Variants in COMMD1 observed in about 807,000 individuals in gnomAD.
The protein encoded by COMMD1 is COMM domain-containing protein 1.
COMMD1 carries 10 observed loss-of-function variants against 17.2 expected under a neutral mutation model. The ratio of observed to expected loss-of-function variants is 0.58; its 90% CI spans 0.36 to 0.99. COMMD1 has a LOEUF of 0.99. Ranked by LOEUF, COMMD1 falls within the 50% of genes least tolerant of loss-of-function variation. The pLI, the probability that COMMD1 is intolerant of heterozygous loss-of-function variation, is 0.01. For missense variants in COMMD1, 270 were observed against 231.8 expected (o/e 1.17, Z -1.07); for synonymous variants, 97 against 91.6 (o/e 1.06, Z -0.34).
intron 2 of COMMD1, among the ~76,000 whole-genome samples, chr2:62,074,660 A>G (rs570089831): frequency 1.3e-5 from 2 of 152,220 alleles, no homozygotes; most frequent in South Asian, 4.1e-4. Flanking sequence ...TATCTTGTCT[A>G]TTATCATTTT....
chr2:62,007,597 T>A (rs2103821580), intron 2 of COMMD1, among the ~76,000 whole-genome samples: 1 of 152,342 alleles, frequency 6.6e-6, no homozygotes, highest in East Asian at 1.9e-4. Context: ...GTTACACAAA[T>A]ATAATACTTA....
intron 1 of COMMD1, among the ~76,000 whole-genome samples, chr2:61,948,028 T>C (rs1179247485): frequency 6.6e-6 from 1 of 152,080 alleles, no homozygotes; most frequent in African/African-American, 2.4e-5. Flanking sequence ...ACAAATAAAA[T>C]ATCAATAAAG....
chr2:61,992,656 T>A (rs578058067), intron 1 of COMMD1, among the ~76,000 whole-genome samples: 10 of 152,286 alleles, frequency 6.6e-5, no homozygotes, highest in Admixed American at 3.3e-4. Flanking sequence ...ATGCCGAACA[T>A]CCCTAGCTCA....
At chr2:62,087,842 T>G (rs1671711747) in intron 2 of COMMD1, among the ~76,000 whole-genome samples, 1 of 152,246 alleles carries the variant, frequency 6.6e-6, no homozygotes, top group Non-Finnish European at 1.5e-5. Context: ...ATAATATCCA[T>G]GTTTTCTAAT....
intron 1 of COMMD1, among the ~76,000 whole-genome samples, chr2:61,958,629 A>G (rs1454028803): frequency 1.3e-5 from 2 of 152,200 alleles, no homozygotes; most frequent in Non-Finnish European, 2.9e-5. Context: ...TTTTGTACTC[A>G]CATGTAGACA....
intron 1 of COMMD1, among the ~76,000 whole-genome samples, chr2:61,997,285 C>T (rs1430655742): frequency 6.6e-6 from 1 of 151,904 alleles, no homozygotes; most frequent in East Asian, 1.9e-4. Context: ...TGGTCTTGAA[C>T]TCCCAGGCTC....
chr2:61,990,241 A>G (rs143891323), intron 1 of COMMD1, among the ~76,000 whole-genome samples: 28 of 152,358 alleles, frequency 1.8e-4, no homozygotes, highest in African/African-American at 6.3e-4. Flanking sequence ...AAGCTAGAGA[A>G]GGGGAGAAGT....
At chr2:61,888,491 G>A (rs1036882551), upstream of COMMD1, 7 of 1,611,972 alleles carry the variant, frequency 4.3e-6, no homozygotes, top group Non-Finnish European at 5.9e-6. Flanking sequence ...GCTCCGGGGT[G>A]CCACATTCTC....
chr2:61,905,863 T>C lies in COMMD1; in HGVS notation c.180+5T>C. 1 of 1,614,134 alleles carries C rather than the reference T, an allele frequency of 6.2e-7. No individual in the cohort carries two copies. The highest frequency in any genetic ancestry group is 8.5e-7 in the Non-Finnish European group (1 of 1,179,962). ...AAGATGAGGGGGATTCTTAAGGTAC[T>C]GCTCTTTTCTGTAGTCTCCGGCTTG... On this transcript the variant is annotated splice_donor_5th_base_variant and intron_variant, in intron 1 of 2. Transcript: ENST00000311832.
At chr2:61,976,264 A>G (rs1288838456) in intron 1 of COMMD1, among the ~76,000 whole-genome samples, 1 of 152,046 alleles carries the variant, frequency 6.6e-6, no homozygotes, top group Non-Finnish European at 1.5e-5. Flanking sequence ...CCAACTAACT[A>G]TATGTTGTCT....
At chr2:62,005,682 AAGTC>A (rs1401613061) in intron 2 of COMMD1, among the ~76,000 whole-genome samples, 1 of 152,162 alleles carries the variant, frequency 6.6e-6, no homozygotes, top group African/African-American at 2.4e-5. Context: ...AATCATTAAA[AAGTC>A]AGGAAACAAC....
chr2:61,950,474 C>G (rs1214771769), intron 1 of COMMD1, among the ~76,000 whole-genome samples: 1 of 152,180 alleles, frequency 6.6e-6, no homozygotes, highest in Non-Finnish European at 1.5e-5. Context: ...AGTAGTTCCC[C>G]CTAATCCCCT....
chr2:62,086,275 C>T (rs184135218), intron 2 of COMMD1, among the ~76,000 whole-genome samples: 22 of 152,104 alleles, frequency 1.4e-4, no homozygotes, highest in Admixed American at 6.5e-4. Context: ...TTTGGGAGGC[C>T]GAGGCGGGCG....
At chr2:61,971,275 G>A (rs1026243295) in intron 1 of COMMD1, among the ~76,000 whole-genome samples, 1 of 152,218 alleles carries the variant, frequency 6.6e-6, no homozygotes, top group Non-Finnish European at 1.5e-5. Flanking sequence ...CCTGATGCAA[G>A]TCCTGCCCCT....
intron 1 of COMMD1, among the ~76,000 whole-genome samples, chr2:61,956,687 G>A (rs1440541842): frequency 1.3e-5 from 2 of 151,606 alleles, no homozygotes; most frequent in Non-Finnish European, 2.9e-5. Flanking sequence ...GGGATTACAG[G>A]CATGAGCCAC....
chr2:62,106,842 GAGAGACTGT>G (rs1672336857), intron 2 of COMMD1, among the ~76,000 whole-genome samples: 1 of 152,222 alleles, frequency 6.6e-6, no homozygotes, highest in Non-Finnish European at 1.5e-5. Flanking sequence ...CCGTGTGTGT[GAGAGACTGT>G]AAATCAAGAA....
At chr2:62,081,114 A>G (rs1671504421) in intron 2 of COMMD1, among the ~76,000 whole-genome samples, 1 of 152,270 alleles carries the variant, frequency 6.6e-6, no homozygotes, top group South Asian at 2.1e-4. Flanking sequence ...GTATACATGC[A>G]TTAATTTTAA....
At position 61,889,783 on chromosome 2, in the gene COMMD1, A is replaced by G. The variant is rs373973006; in HGVS notation, n.119+941A>G. Reference sequence around the variant, plus strand: ...TACCACCGCCCGCTTGTTCTACACTAGTGTCTCCTGCATGACGTAGCCACT... The same window carrying G: ...TACCACCGCCCGCTTGTTCTACACTGGTGTCTCCTGCATGACGTAGCCACT... On this transcript the variant is annotated intron_variant and non_coding_transcript_variant, in intron 1 of 2. Coordinates refer to the COMMD1 transcript ENST00000472729. Among the ~76,000 whole-genome samples the G allele has an allele frequency of 1.7e-3, 252 of 152,230 alleles. 2 individuals carry two copies. Among genetic ancestry groups the G allele is most frequent in the African/African-American group, 5.8e-3 (240 of 41,538 alleles).
At chr2:61,904,436 C>T (rs945100988), upstream of COMMD1, among the ~76,000 whole-genome samples, 1 of 152,168 alleles carries the variant, frequency 6.6e-6, no homozygotes, top group Non-Finnish European at 1.5e-5. Context: ...TTCAGAACAT[C>T]AGTTCTTAAC....
Sources: allele counts gnomAD v4.1 joint callset (sites outside exome capture counted in the v4.1 genomes callset), GRCh38; gene constraint gnomAD v4.1.1; transcripts MANE v1.5; gene names NCBI Gene and HGNC (gene_info 2026-07-23, HGNC 2026-07-21).